Variants in SDCCAG8 observed in about 807,000 individuals in gnomAD.
SDCCAG8 encodes SHH signaling and ciliogenesis regulator SDCCAG8.
SDCCAG8 carries 74 observed loss-of-function variants against 101.8 expected under a neutral mutation model. The ratio of observed to expected loss-of-function variants is 0.73; its 90% CI spans 0.60 to 0.88. SDCCAG8 has a LOEUF of 0.88. Ranked by LOEUF, SDCCAG8 falls within the 40% of genes least tolerant of loss-of-function variation. The probability of loss-of-function intolerance (pLI) is 0.00; values close to 1 mark genes in which losing one functional copy is unlikely to be tolerated. For synonymous variants in SDCCAG8, 281 were observed against 292.9 expected (o/e 0.96, Z 0.41); for missense variants, 787 against 822.6 (o/e 0.96, Z 0.53).
chr1:243,391,426 G>A (rs1448639022), intron 13 of SDCCAG8, among the ~76,000 whole-genome samples: 1 of 152,208 alleles, frequency 6.6e-6, no homozygotes, highest in Non-Finnish European at 1.5e-5. Context: ...GGAGATGAGA[G>A]TAGGCACCAA....
intron 13 of SDCCAG8, among the ~76,000 whole-genome samples, chr1:243,386,428 G>A (rs1350495575): frequency 3.9e-5 from 6 of 152,086 alleles, no homozygotes; most frequent in South Asian, 2.1e-4. Flanking sequence ...CCGGCCGGGC[G>A]CGGTGGCTCA....
At chr1:243,495,459 A>G (rs902127637) in intron 17 of SDCCAG8, among the ~76,000 whole-genome samples, 1 of 152,158 alleles carries the variant, frequency 6.6e-6, no homozygotes, top group Non-Finnish European at 1.5e-5. Context: ...GGAGGCTGTT[A>G]TCAGGGGCCC....
intron 4 of SDCCAG8, among the ~76,000 whole-genome samples, chr1:243,277,428 C>G (rs2068668978): frequency 6.6e-6 from 1 of 152,180 alleles, no homozygotes; most frequent in South Asian, 2.1e-4. Context: ...GCCTATATTC[C>G]ACCTATGTAA....
intron 12 of SDCCAG8, among the ~76,000 whole-genome samples, chr1:243,377,738 C>T (rs1442806164): frequency 6.6e-6 from 1 of 151,538 alleles, no homozygotes; most frequent in Non-Finnish European, 1.5e-5. Context: ...TCTACTTACA[C>T]ATGATTTTGT....
intron 9 of SDCCAG8, among the ~76,000 whole-genome samples, chr1:243,319,350 G>A (rs907779705): frequency 7.2e-5 from 11 of 152,006 alleles, no homozygotes; most frequent in African/African-American, 2.7e-4. Context: ...GGCTCTCTTT[G>A]ACCCTTTCTA....
At chr1:243,381,832 A>G (rs2077976419) in intron 13 of SDCCAG8, among the ~76,000 whole-genome samples, 1 of 152,248 alleles carries the variant, frequency 6.6e-6, no homozygotes, top group Non-Finnish European at 1.5e-5. Flanking sequence ...TGCAATGATA[A>G]AAGTGATGAT....
chr1:243,443,243 A>G (rs1275925610), intron 16 of SDCCAG8, among the ~76,000 whole-genome samples: 1 of 152,226 alleles, frequency 6.6e-6, no homozygotes, highest in Non-Finnish European at 1.5e-5. Context: ...GAATAAGGAA[A>G]GTATTTGCTT....
chr1:243,488,158 G>C (rs1665454977), intron 16 of SDCCAG8: 1 of 152,316 alleles, frequency 6.6e-6, no homozygotes, highest in Non-Finnish European at 1.5e-5. Context: ...GTTGTGCCCG[G>C]AGTCCCAGGA....
At chr1:243,262,955 A>G (rs972222821) in intron 1 of SDCCAG8, among the ~76,000 whole-genome samples, 1 of 152,228 alleles carries the variant, frequency 6.6e-6, no homozygotes. Context: ...CTAAATATGA[A>G]TCTGAGCTCT....
intron 6 of SDCCAG8, among the ~76,000 whole-genome samples, chr1:243,303,096 A>G (rs986302472): frequency 6.6e-6 from 1 of 152,220 alleles, no homozygotes; most frequent in African/African-American, 2.4e-5. Context: ...TCTTGGAGAA[A>G]TTCGAGAGCT....
chr1:243,318,109 G>T (rs947089412), intron 9 of SDCCAG8: 2 of 456,202 alleles, frequency 4.4e-6, no homozygotes, highest in Non-Finnish European at 8.8e-6. Flanking sequence ...CAATCTAAAT[G>T]TTCATCACTG....
chr1:243,359,091 T>C (rs1353904503), intron 12 of SDCCAG8, among the ~76,000 whole-genome samples: 1 of 152,208 alleles, frequency 6.6e-6, no homozygotes. Context: ...GGTAGAGATT[T>C]ATTCCCTAGA....
chr1:243,266,211 T>C (rs2067568817), intron 1 of SDCCAG8, among the ~76,000 whole-genome samples: 1 of 152,230 alleles, frequency 6.6e-6, no homozygotes, highest in South Asian at 2.1e-4. Context: ...TACTCCATTA[T>C]TAAGTATATG....
At chr1:243,385,520 AG>A (rs1171857815) in intron 13 of SDCCAG8, among the ~76,000 whole-genome samples, 1 of 152,214 alleles carries the variant, frequency 6.6e-6, no homozygotes, top group African/African-American at 2.4e-5. Context: ...TGATTTTGGT[AG>A]GATTTGGATA....
At chr1:243,381,182 A>C (rs2077926599) in intron 13 of SDCCAG8, among the ~76,000 whole-genome samples, 1 of 152,204 alleles carries the variant, frequency 6.6e-6, no homozygotes, top group African/African-American at 2.4e-5. Flanking sequence ...TGAAATAAGG[A>C]TCCAAATCTT....
intron 12 of SDCCAG8, among the ~76,000 whole-genome samples, chr1:243,356,298 G>A (rs939297626): frequency 2.0e-5 from 3 of 151,710 alleles, no homozygotes; most frequent in South Asian, 2.1e-4. Flanking sequence ...AGAACCTGAA[G>A]TTTGAAGTAT....
intron 8 of SDCCAG8, among the ~76,000 whole-genome samples, chr1:243,314,441 C>T (rs760437403): frequency 6.6e-5 from 10 of 152,202 alleles, no homozygotes; most frequent in Non-Finnish European, 1.3e-4. Flanking sequence ...GTAATGTTTT[C>T]AGTTTAGATC....
intron 14 of SDCCAG8, among the ~76,000 whole-genome samples, chr1:243,417,175 C>T (rs929642555): frequency 6.6e-6 from 1 of 152,102 alleles, no homozygotes; most frequent in Non-Finnish European, 1.5e-5. Context: ...CGAAAATTCA[C>T]CAGGTTTAGT....
chr1:243,439,397 G>T (rs1488350650), intron 16 of SDCCAG8, among the ~76,000 whole-genome samples: 1 of 152,098 alleles, frequency 6.6e-6, no homozygotes, highest in Non-Finnish European at 1.5e-5. Context: ...GCCAAGGCAG[G>T]TGGATCACCT....
Sources: allele counts gnomAD v4.1 joint callset (sites outside exome capture counted in the v4.1 genomes callset), GRCh38; gene constraint gnomAD v4.1.1; transcripts MANE v1.5; gene names NCBI Gene and HGNC (gene_info 2026-07-23, HGNC 2026-07-21).